ENO4: variants seen among roughly 807,000 people sequenced by gnomAD.
ENO4 encodes the protein enolase 4.
In ENO4, 53 loss-of-function variants were observed where a neutral mutation model predicts 63.2. That is an observed-to-expected ratio of 0.84 (90% CI 0.67 to 1.05). ENO4 has a LOEUF of 1.05. ENO4 is among the 50% of genes least tolerant of loss of function. The probability of loss-of-function intolerance (pLI) is 0.00; values close to 1 mark genes in which losing one functional copy is unlikely to be tolerated. For missense variants in ENO4, 719 were observed against 772.0 expected (o/e 0.93, Z 0.81); for synonymous variants, 266 against 283.8 (o/e 0.94, Z 0.63).
downstream of ENO4, chr10:116,883,319 T>C (rs1422987602): frequency 6.6e-6 from 1 of 152,178 alleles, no homozygotes; most frequent in Non-Finnish European, 1.5e-5. Flanking sequence ...TATATAATAT[T>C]ATCTGTGAAA....
chr10:116,889,201 G>C (rs1847257929), intron 10 of ENO4, among the ~76,000 whole-genome samples: 1 of 152,162 alleles, frequency 6.6e-6, no homozygotes, highest in African/African-American at 2.4e-5. Context: ...TCAGCTCAGG[G>C]CTAAAAATTT....
Position 116,881,674 on chromosome 10 carries a change from G to C in ENO4, c.*5G>C. The C allele has an allele frequency of 6.7e-7, 1 of 1,501,890 alleles. No homozygotes were observed. Among genetic ancestry groups the C allele is most frequent in the Non-Finnish European group, 8.9e-7 (1 of 1,122,174 alleles). 93.0% of individuals were successfully genotyped at this position (1,501,890 alleles called of 1,614,324 possible). ...ACAGGAGCATCCTCTGGATAGGGCT[G>C]TACACACCCCAGGTTCCAGCCACAC... On this transcript the variant is annotated 3_prime_UTR_variant, in exon 14 of 14. Transcript: ENST00000341276.
downstream of ENO4, chr10:116,882,903 CTG>C (rs1324032816): frequency 6.6e-6 from 1 of 151,752 alleles, no homozygotes; most frequent in African/African-American, 2.4e-5. Context: ...GTAGGAGAAA[CTG>C]GAAGGAAAAT....
intron 10 of ENO4, among the ~76,000 whole-genome samples, chr10:116,902,888 A>C (rs1276889720): frequency 1.3e-5 from 2 of 152,234 alleles, no homozygotes; most frequent in Non-Finnish European, 2.9e-5. Flanking sequence ...AATGGAAAGC[A>C]CTAGTGGGTA....
At chr10:116,884,406 T>C (rs557022422), downstream of ENO4, 7 of 377,070 alleles carry the variant, frequency 1.9e-5, no homozygotes, top group East Asian at 2.3e-4. Context: ...TGAGAGAAAG[T>C]AAGCAGCTTA....
At chr10:116,905,208 C>CAAAAAA (rs772309175) in intron 10 of ENO4, among the ~76,000 whole-genome samples, 2 of 63,418 alleles carry the variant, frequency 3.2e-5, no homozygotes, top group African/African-American at 9.7e-5. Context: ...GACTCCGTCT[C>CAAAAAA]AAAAAAAAAA....
chr10:116,858,946 T>C, intron 3 of ENO4, 44 bp from the exon 4 acceptor site: 1 of 1,336,882 alleles, frequency 7.5e-7, no homozygotes, highest in Non-Finnish European at 1.0e-6. Flanking sequence ...CAGAGTGATA[T>C]TCCTAAATAT....
intron 7 of ENO4, among the ~76,000 whole-genome samples, chr10:116,863,390 A>G (rs1905549): frequency 4.0e-5 from 6 of 151,142 alleles, no homozygotes; most frequent in African/African-American, 1.5e-4. Flanking sequence ...ACACACACGC[A>G]CACACCTTTT....
At chr10:116,883,608 A>G (rs1847084171), downstream of ENO4, 1 of 152,560 alleles carries the variant, frequency 6.6e-6, no homozygotes, top group Admixed American at 6.5e-5. Flanking sequence ...CATTTACTGA[A>G]CACACAACCA....
downstream of ENO4, chr10:116,886,552 A>G (rs551803965): frequency 8.1e-6 from 13 of 1,614,146 alleles, no homozygotes; most frequent in East Asian, 2.2e-5. Flanking sequence ...CCTGCATCCA[A>G]TGCTACTGGG....
intron 10 of ENO4, among the ~76,000 whole-genome samples, chr10:116,908,836 A>C (rs944522494): frequency 4.6e-5 from 7 of 152,170 alleles, no homozygotes; most frequent in African/African-American, 1.7e-4. Context: ...TGATTACTGA[A>C]GGAATCCATT....
At chr10:116,907,772 C>A in intron 10 of ENO4, 1 of 449,814 alleles carries the variant, frequency 2.2e-6, no homozygotes, top group South Asian at 1.6e-5. Context: ...GACATAAGAA[C>A]CTCAAGTCTG....
chr10:116,905,381 C>T (rs889901438), intron 10 of ENO4, among the ~76,000 whole-genome samples: 1 of 151,990 alleles, frequency 6.6e-6, no homozygotes, highest in Non-Finnish European at 1.5e-5. Flanking sequence ...TGTGGTACCC[C>T]CTTAATTTTC....
In ENO4 at chr10:116,871,126, A is replaced by C. The variant is rs1401393922; in HGVS notation, c.1049A>C (p.Gln350Pro). 6.5e-7 allele frequency: 1 copy of C among 1,550,222 alleles called. No homozygotes were observed. The highest frequency in any genetic ancestry group is 8.7e-7 in the Non-Finnish European group (1 of 1,146,774). ...GATCATTGTCTCTTGATCTTGCAGC[A>C]GCAGATCACTGGCAAGATGTCTCAT... ...KGHDGSKRGQQQITGKMSHLG... is the reference protein window; with the variant it reads ...KGHDGSKRGQPQITGKMSHLG... The change falls in exon 9 of 14, where the codon CAG (glutamine) becomes CCG (proline). Residue 350 changes from glutamine (Q) to proline (P), a missense_variant and splice_region_variant. By Grantham distance (76) the Gln-to-Pro change is moderately conservative. Coordinates refer to ENST00000341276, the MANE Select transcript of ENO4 (RefSeq NM_001242699.2).
intron 7 of ENO4, among the ~76,000 whole-genome samples, chr10:116,866,942 A>G (rs1162159516): frequency 6.6e-6 from 1 of 152,194 alleles, no homozygotes; most frequent in Non-Finnish European, 1.5e-5. Context: ...ATAACAGATC[A>G]TTCCCAACAT....
At chr10:116,904,481 A>T (rs748007595) in intron 10 of ENO4, among the ~76,000 whole-genome samples, 2 of 151,804 alleles carry the variant, frequency 1.3e-5, no homozygotes, top group Non-Finnish European at 2.9e-5. Context: ...AACTCAAAGG[A>T]AATTTCTGCT....
At chr10:116,858,909 G>A (rs545202145) in intron 3 of ENO4, 81 bp from the exon 4 acceptor site, 3 of 778,592 alleles carry the variant, frequency 3.9e-6, no homozygotes, top group African/African-American at 1.7e-5. Flanking sequence ...AATATATGGG[G>A]TCATCTCTAA....
chr10:116,872,022 C>T (rs932121788), intron 9 of ENO4, among the ~76,000 whole-genome samples: 1 of 152,070 alleles, frequency 6.6e-6, no homozygotes, highest in Non-Finnish European at 1.5e-5. Context: ...CATGGTGAAA[C>T]CCCCCTCTAC....
chr10:116,884,623 T>A (rs1311031751), downstream of ENO4: 1 of 173,024 alleles, frequency 5.8e-6, no homozygotes. Context: ...GGCAGACAGA[T>A]CACAGATGCA....
Sources: gnomAD v4.1 joint callset for allele counts (sites outside exome capture counted in the v4.1 genomes callset) on GRCh38, gnomAD v4.1.1 for gene constraint, MANE v1.5 for transcripts, NCBI Gene and HGNC (gene_info 2026-07-23, HGNC 2026-07-21) for gene names.